UBXN6: variants seen among roughly 807,000 people sequenced by gnomAD.
UBXN6 encodes UBX domain-containing protein 6.
In UBXN6, 44 loss-of-function variants were observed where a neutral mutation model predicts 51.4. That is an observed-to-expected ratio of 0.86 (90% CI 0.67 to 1.10). The LOEUF (loss-of-function observed/expected upper bound fraction) is 1.10, where lower values mean the gene tolerates loss of function less well. Ranked by LOEUF, UBXN6 falls within the 50% of genes least tolerant of loss-of-function variation. UBXN6 has a pLI of 0.00. For missense variants in UBXN6, 672 were observed against 596.1 expected, an observed-to-expected ratio of 1.13 and a Z score of -1.32; for synonymous variants, 316 against 263.2, an observed-to-expected ratio of 1.20 and a Z score of -1.94.
chr19:4,447,826 C>T, intron 5 of UBXN6: 1 of 592,276 alleles, frequency 1.7e-6, no homozygotes, highest in Non-Finnish European at 3.0e-6. Context: ...ACCCCTGGTG[C>T]CAGCAGGAGC....
chr19:4,453,622 G>A (rs1012845574), intron 2 of UBXN6, 100 bp from the exon 3 acceptor site: 104 of 1,382,074 alleles, frequency 7.5e-5, no homozygotes, highest in Non-Finnish European at 9.4e-5. Flanking sequence ...TGGGGGCCAC[G>A]CACACCGCCC....
rs765041268 is a variant in UBXN6 at position 4,446,358 on chromosome 19, C to T, written c.976G>A (p.Glu326Lys). 1 of 1,572,552 alleles carries T rather than the reference C, an allele frequency of 6.4e-7. No homozygotes were observed. Among genetic ancestry groups the T allele is most frequent in the Middle Eastern group, 1.7e-4 (1 of 6,032 alleles). The change falls in exon 9 of 11, where the codon GAG becomes AAG. Residue 326 changes from glutamate to lysine, a missense_variant. By Grantham distance (56) the Glu-to-Lys change is moderately conservative. Coordinates refer to ENST00000301281, the MANE Select transcript of UBXN6 (RefSeq NM_025241.3). The stretch of plus-strand genomic sequence containing the variant: ...TACTTGCGCAGCCCCCGCTGCTCCT[C>T]CTTCTCCCGCATGGCCTTGGTCCGC... ...VLRTKAMREK[E>K]EQRGLRKYNY...
Position 4,454,066 on chromosome 19 carries a change from G to T in UBXN6, c.111C>A (p.Asn37Lys). ...GGCGGGGCGGCCTGGGGGCTGGCTG[G>T]TTGGGCTTCTCTTTGTGGGCCTTTT... is the stretch of plus-strand genomic sequence containing the variant. ...VGEKAHKEKP[N>K]QPAPRPPRQG... Residue 37 changes from asparagine to lysine, a missense_variant, in exon 2 of 11, where the codon AAC (asparagine) becomes AAA (lysine). Transcript: ENST00000301281. 6.4e-7 allele frequency: 1 copy of T among 1,573,662 alleles called. No homozygotes were observed. The highest frequency in any genetic ancestry group is 8.6e-7 in the Non-Finnish European group (1 of 1,163,446).
At position 4,457,653 on chromosome 19, in the gene UBXN6, C is replaced by G; in HGVS notation, c.45G>C (p.Lys15Asn). The G allele has an allele frequency of 6.2e-7, 1 of 1,600,490 alleles. No homozygotes were observed. Among genetic ancestry groups the G allele is most frequent in the Non-Finnish European group, 8.5e-7 (1 of 1,175,014 alleles). Reference protein sequence around the residue: ...FQEFKADIKFKSAGPGQKLKE... With the variant: ...FQEFKADIKFNSAGPGQKLKE... ...TGAGCTTCTGACCGGGTCCCGCGCT[C>G]TTGAACTTGATGTCGGCCTTGAACT... Residue 15 changes from lysine to asparagine, a missense_variant, in exon 1 of 11, where the codon AAG becomes AAC. Physicochemically the swap from Lys to Asn is moderately conservative, Grantham distance 94. Transcript: ENST00000301281.
intron 4 of UBXN6, 145 bp downstream of exon 4, chr19:4,452,219 T>G: frequency 8.8e-7 from 1 of 1,139,774 alleles, no homozygotes; most frequent in Non-Finnish European, 1.2e-6. Context: ...GTGCCTGGAT[T>G]TGGGGTATCA....
chr19:4,451,150 A>G (rs1345551244), intron 4 of UBXN6, among the ~76,000 whole-genome samples: 1 of 152,162 alleles, frequency 6.6e-6, no homozygotes, highest in Non-Finnish European at 1.5e-5. Context: ...TCCACCTCCC[A>G]GGTTCAAGCG....
intron 1 of UBXN6, among the ~76,000 whole-genome samples, chr19:4,456,448 T>C (rs563729300): frequency 2.5e-4 from 38 of 150,696 alleles, no homozygotes; most frequent in African/African-American, 8.3e-4. Context: ...CACAATCCCT[T>C]CCACTATTGC....
intron 1 of UBXN6, chr19:4,455,037 G>T: frequency 5.0e-6 from 1 of 198,242 alleles, no homozygotes; most frequent in Non-Finnish European, 9.1e-6. Flanking sequence ...GCCTAGGGCT[G>T]TGCAAGTACG....
chr19:4,447,345 G>A, intron 6 of UBXN6: 1 of 598,358 alleles, frequency 1.7e-6, no homozygotes, highest in Non-Finnish European at 3.0e-6. Context: ...GGCAGAATTT[G>A]TTGATTTGGG....
chr19:4,446,301 C>A lies in UBXN6; in HGVS notation c.1033G>T (p.Asp345Tyr). 2 of 1,571,144 alleles carry A rather than the reference C, an allele frequency of 1.3e-6. No individual in the cohort carries two copies. Among genetic ancestry groups the A allele is most frequent in the Non-Finnish European group, 1.7e-6 (2 of 1,163,302 alleles). The change falls in exon 9 of 11, where the codon GAT becomes TAT. Residue 345 changes from aspartate (D) to tyrosine (Y), a missense_variant. Coordinates refer to ENST00000301281, the MANE Select transcript of UBXN6 (RefSeq NM_025241.3). ...NYTLLRVRLP[D>Y]GCLLQGTFYA... is the part of the protein sequence containing the mutation. ...TGCCCACCCTGCAGGAGGCAGCCATCGGGGAGGCGCACGCGCAGCAGCGTG... is the reference window on the plus strand; with the variant it reads ...TGCCCACCCTGCAGGAGGCAGCCATAGGGGAGGCGCACGCGCAGCAGCGTG...
chr19:4,457,789 GAAAATTA>G, exon 1 of UBXN6: 2 of 51,404 alleles, frequency 3.9e-5, no homozygotes, highest in South Asian at 9.1e-4. Context: ...GCCACCGGAA[GAAAATTA>G]AAAAAAAAAA....
In UBXN6 at chr19:4,445,088, C is replaced by A; in HGVS notation, c.*410G>T. ...CAGGAAGGCCAGCATCCCCTCCTGCCGTTGTCACCCACATCCACAGAGCAG... is the reference window on the plus strand; with the variant it reads ...CAGGAAGGCCAGCATCCCCTCCTGCAGTTGTCACCCACATCCACAGAGCAG... On this transcript the variant is annotated 3_prime_UTR_variant, in exon 11 of 11. Transcript: ENST00000301281. 2 of 188,520 alleles carry A rather than the reference C, an allele frequency of 1.1e-5. No homozygotes were observed. Among genetic ancestry groups the A allele is most frequent in the Non-Finnish European group, 1.1e-5 (1 of 90,520 alleles). 11.7% of individuals were successfully genotyped at this position (188,520 alleles called of 1,614,324 possible). A position where few individuals can be genotyped will look rare whatever the true frequency, so the allele number is the denominator to read the frequency against.
intron 5 of UBXN6, 155 bp from the exon 6 acceptor site, chr19:4,447,780 G>A (rs922620043): frequency 2.5e-5 from 18 of 721,046 alleles, no homozygotes; most frequent in Middle Eastern, 2.9e-4. Context: ...GACCATCTCC[G>A]GGTGGAAGGC....
upstream of UBXN6, chr19:4,457,850 T>C (rs1350466977): frequency 4.3e-6 from 2 of 467,188 alleles, no homozygotes; most frequent in African/African-American, 2.2e-5. Flanking sequence ...AAGTCCCGCC[T>C]TCCCCTGGCC....
chr19:4,457,710 C>T lies in UBXN6; in HGVS notation c.-13G>A, dbSNP rs761256542. On this transcript the variant is annotated 5_prime_UTR_variant, in exon 1 of 11. Coordinates refer to ENST00000301281, the MANE Select transcript of UBXN6 (RefSeq NM_025241.3). ...AGAATTTCTTCATGGTGGCGGCTGG[C>T]CCGGCGGCGGGGGGCCGCGGGGGCG... is the stretch of plus-strand genomic sequence containing the variant. 2 of 1,528,346 alleles carry T rather than the reference C, an allele frequency of 1.3e-6. No homozygotes were observed. The highest frequency in any genetic ancestry group is 2.4e-5 in the South Asian group (2 of 82,922). 94.7% of individuals were successfully genotyped at this position (1,528,346 alleles called of 1,614,324 possible).
At chr19:4,455,188 C>G (rs952842210) in intron 1 of UBXN6, 25 of 984,852 alleles carry the variant, frequency 2.5e-5, no homozygotes, top group Non-Finnish European at 3.0e-5. Context: ...TCTGTCTCAC[C>G]CGTCTCCTCT....
At chr19:4,450,770 A>G (rs1974639968) in intron 4 of UBXN6, 1 of 149,842 alleles carries the variant, frequency 6.7e-6, no homozygotes, top group Non-Finnish European at 1.5e-5. Flanking sequence ...AAAAAAAAAA[A>G]AAAAAAAAAA....
chr19:4,453,794 G>T (rs1974695617), intron 2 of UBXN6, 136 bp downstream of exon 2: 1 of 1,318,310 alleles, frequency 7.6e-7, no homozygotes, highest in South Asian at 1.4e-5. Flanking sequence ...CCCAGCACCT[G>T]CCCTTGATGA....
chr19:4,447,033 G>A (rs1974547795), intron 6 of UBXN6, 113 bp from the exon 7 acceptor site: 1 of 1,079,656 alleles, frequency 9.3e-7, no homozygotes, highest in African/African-American at 1.6e-5. Context: ...GTCGACCCCT[G>A]GATGGGGCCC....
Sources: gnomAD v4.1 joint callset for allele counts (sites outside exome capture counted in the v4.1 genomes callset) on GRCh38, gnomAD v4.1.1 for gene constraint, MANE v1.5 for transcripts, NCBI Gene and HGNC (gene_info 2026-07-23, HGNC 2026-07-21) for gene names.